The following ACER3 variants were observed in gnomAD, a reference collection of about 807,000 sequenced individuals.
ACER3 encodes alkaline ceramidase 3.
Under a neutral mutation model 48.9 loss-of-function variants are expected in ACER3, and 16 were observed. That is an observed-to-expected ratio of 0.33 (90% CI 0.22 to 0.50). ACER3 has a LOEUF of 0.50. Among genes scored for constraint, ACER3 ranks in the 20% least tolerant of loss-of-function variants. The pLI, the probability that ACER3 is intolerant of heterozygous loss-of-function variation, is 0.98. For synonymous variants in ACER3, 109 were observed against 107.8 expected (o/e 1.01, Z -0.07); for missense variants, 227 against 326.0 (o/e 0.70, Z 2.34).
rs192846590 is a variant in ACER3, at chr11:77,017,102, A to G, written c.704+323A>G. ...AACTTTACACCTCAAAGAACAAGGA[A>G]AAGAACAAATTAAGCCCAAATTTGG... On this transcript the variant is annotated intron_variant, in intron 9 of 10. Transcript: ENST00000532485. Among the ~76,000 whole-genome samples the G allele has an allele frequency of 6.5e-4, 99 of 152,316 alleles. 2 individuals carry two copies. In the Middle Eastern group the frequency reaches 0.01, roughly 16 times the overall value.
intron 2 of ACER3, among the ~76,000 whole-genome samples, chr11:76,953,206 C>A (rs934160688): frequency 2.0e-5 from 3 of 152,138 alleles, no homozygotes; most frequent in Non-Finnish European, 4.4e-5. Flanking sequence ...GTATGCCTTG[C>A]AAGGAGTTTA....
chr11:76,986,589 A>G (rs1282407867), intron 5 of ACER3, among the ~76,000 whole-genome samples: 1 of 152,236 alleles, frequency 6.6e-6, no homozygotes, highest in African/African-American at 2.4e-5. Context: ...AGATATTGTA[A>G]CTATGTACTT....
At position 77,022,530 on chromosome 11, in the gene ACER3, A is replaced by G. The variant is rs549705308; in HGVS notation, c.*2203A>G. The G allele has an allele frequency of 4.6e-5, 7 of 152,232 alleles. No individual in the cohort carries two copies. Among genetic ancestry groups the G allele is most frequent in the Non-Finnish European group, 7.3e-5 (5 of 68,046 alleles). 9.4% of individuals were successfully genotyped at this position (152,232 alleles called of 1,614,324 possible). On this transcript the variant is annotated 3_prime_UTR_variant, in exon 11 of 11. Coordinates refer to ENST00000532485, the MANE Select transcript of ACER3 (RefSeq NM_018367.7). The stretch of plus-strand genomic sequence containing the variant: ...GCTCTCTTTTTAGCTACTAAGTAAC[A>G]TACTCAAGACTTTGTATCTGTGCAG...
chr11:76,861,987 G>A (rs984511913), intron 1 of ACER3, among the ~76,000 whole-genome samples: 3 of 152,210 alleles, frequency 2.0e-5, no homozygotes, highest in African/African-American at 7.2e-5. Context: ...TTCCTGCCAG[G>A]CTAGGAGAAA....
chr11:76,976,784 G>C (rs1443486983), intron 4 of ACER3, among the ~76,000 whole-genome samples: 1 of 152,152 alleles, frequency 6.6e-6, no homozygotes, highest in African/African-American at 2.4e-5. Context: ...CTTTTAAATA[G>C]ATACTTGCTT....
At chr11:76,926,489 C>A in intron 1 of ACER3, 68 bp from the exon 2 acceptor site, 3 of 897,722 alleles carry the variant, frequency 3.3e-6, no homozygotes, top group Non-Finnish European at 5.2e-6. Flanking sequence ...TTAAAGCCTA[C>A]GTGAATGTAT....
At chr11:77,019,941 A>G (rs534023502) in intron 10 of ACER3, among the ~76,000 whole-genome samples, 165 bp downstream of exon 10, 1 of 152,308 alleles carries the variant, frequency 6.6e-6, no homozygotes, top group South Asian at 2.1e-4. Flanking sequence ...TTCTTGGACA[A>G]ATCTCTTTAA....
intron 3 of ACER3, among the ~76,000 whole-genome samples, chr11:76,964,956 C>T (rs577616328): frequency 4.0e-5 from 6 of 151,294 alleles, no homozygotes; most frequent in South Asian, 2.1e-4. Context: ...CAAAGCTGGA[C>T]GGAGAATGAC....
chr11:77,015,250 A>T, intron 8 of ACER3, 133 bp downstream of exon 8: 2 of 574,694 alleles, frequency 3.5e-6, no homozygotes, highest in East Asian at 3.0e-5. Flanking sequence ...AGATATATAC[A>T]GTATAATAAA....
chr11:76,990,822 G>A (rs1212268045), intron 6 of ACER3, among the ~76,000 whole-genome samples: 4 of 152,166 alleles, frequency 2.6e-5, no homozygotes, highest in Admixed American at 2.6e-4. Context: ...CAGTAATACA[G>A]GTGCAACATT....
At chr11:76,925,690 T>G (rs1946811422) in intron 1 of ACER3, among the ~76,000 whole-genome samples, 1 of 152,198 alleles carries the variant, frequency 6.6e-6, no homozygotes, top group Non-Finnish European at 1.5e-5. Context: ...GTCAGTTTCC[T>G]TGTTTGCACT....
chr11:76,911,754 C>T (rs1029187268), intron 1 of ACER3, among the ~76,000 whole-genome samples: 2 of 152,198 alleles, frequency 1.3e-5, no homozygotes, highest in Admixed American at 6.5e-5. Context: ...TTTAGCTTTA[C>T]ACTACCTTCA....
rs572047238 is a variant in ACER3, at chr11:77,021,119, C to G, written c.*792C>G. 1 of 152,334 alleles carries G rather than the reference C, an allele frequency of 6.6e-6. No homozygotes were observed. Among genetic ancestry groups the G allele is most frequent in the South Asian group, 2.1e-4 (1 of 4,828 alleles). The allele number at this position is 152,334 out of a possible 1,614,324, so 9.4% of individuals were successfully genotyped here. ...GATCTTTAAGTTGTCACTGTTTCTA[C>G]GGCTAGACAAATATGACTGGTGGTC... On this transcript the variant is annotated 3_prime_UTR_variant, in exon 11 of 11. Transcript: ENST00000532485.
Position 77,001,607 on chromosome 11 carries a change from G to A in ACER3, c.497+2786G>A, listed in dbSNP as rs534192182. On this transcript the variant is annotated intron_variant, in intron 7 of 10. Transcript: ENST00000532485. ...GCAAATAGAAATAGTGTATATCCTC[G>A]TTCCTGATGTGTGTGCTTTTTAGTT... Among the ~76,000 whole-genome samples the A allele has an allele frequency of 7.2e-5, 11 of 152,230 alleles. 1 individual carries two copies. The South Asian group carries it at 1.5e-3, about 20-fold the overall frequency.
At chr11:76,997,993 A>C (rs1948951147) in intron 6 of ACER3, among the ~76,000 whole-genome samples, 2 of 152,200 alleles carry the variant, frequency 1.3e-5, no homozygotes, top group African/African-American at 4.8e-5. Context: ...ACAAGTCAGG[A>C]GAGTGGTTTC....
At chr11:76,997,324 A>G (rs1168330939) in intron 6 of ACER3, among the ~76,000 whole-genome samples, 1 of 152,184 alleles carries the variant, frequency 6.6e-6, no homozygotes, top group East Asian at 1.9e-4. Flanking sequence ...TACTCTGTAC[A>G]GTTCCTACCA....
Position 76,860,933 on chromosome 11 carries a change from C to A in ACER3, c.-44C>A. 7.0e-7 allele frequency: 1 copy of A among 1,435,050 alleles called. No individual in the cohort carries two copies. Among genetic ancestry groups the A allele is most frequent in the Non-Finnish European group, 9.4e-7 (1 of 1,067,590 alleles). The allele number at this position is 1,435,050 out of a possible 1,614,324, so 88.9% of individuals were successfully genotyped here. On this transcript the variant is annotated 5_prime_UTR_variant, in exon 1 of 11. Transcript: ENST00000532485. Reference sequence around the variant, plus strand: ...AGCCGGCCTGGTCGCCAGCCTAACCCGGCACAGTGAGCGGAGCGCCTGGGC... The same window carrying A: ...AGCCGGCCTGGTCGCCAGCCTAACCAGGCACAGTGAGCGGAGCGCCTGGGC...
At chr11:76,891,008 A>G (rs1310327370) in intron 1 of ACER3, among the ~76,000 whole-genome samples, 1 of 151,562 alleles carries the variant, frequency 6.6e-6, no homozygotes, top group African/African-American at 2.4e-5. Context: ...AGTTTCAGCT[A>G]CTCTGGAGGC....
chr11:76,985,711 T>C lies in ACER3; in HGVS notation c.389T>C (p.Leu130Ser). ...CTTTTTACCTTAGTTCTATTCAGTT[T>C]AATAGTAACCACAGTAAGTCATATT... ...HLLFTLVLFS[L>S]IVTTVYLKVK... The change falls in exon 5 of 11, where the codon TTA (leucine) becomes TCA (serine). Residue 130 changes from leucine to serine, a missense_variant. Leu to Ser is a moderately radical substitution (Grantham distance 145). This residue lies in a region of ACER3 where 195 missense variants were observed against 290.8 expected (regional missense o/e 0.67). Transcript: ENST00000532485. 1 of 1,543,000 alleles carries C rather than the reference T, an allele frequency of 6.5e-7. No individual in the cohort carries two copies. Among genetic ancestry groups the C allele is most frequent in the Non-Finnish European group, 8.7e-7 (1 of 1,148,008 alleles).
Sources: allele counts gnomAD v4.1 joint callset (sites outside exome capture counted in the v4.1 genomes callset), GRCh38; gene constraint gnomAD v4.1.1; regional missense constraint gnomAD v4.1.1; transcripts MANE v1.5; gene names NCBI Gene and HGNC (gene_info 2026-07-23, HGNC 2026-07-21).